CTSC: variants seen among roughly 807,000 people sequenced by gnomAD.
CTSC encodes the protein cathepsin C.
CTSC carries 37 observed loss-of-function variants against 40.9 expected under a neutral mutation model. The ratio of observed to expected loss-of-function variants is 0.91; its 90% CI spans 0.70 to 1.19. The LOEUF (loss-of-function observed/expected upper bound fraction) is 1.19. CTSC is among the 50% of genes most tolerant of loss of function. The probability of loss-of-function intolerance (pLI) is 0.00; values close to 1 mark genes in which losing one functional copy is unlikely to be tolerated. For missense variants in CTSC, 594 were observed against 567.3 expected, an observed-to-expected ratio of 1.05 and a Z score of -0.48; for synonymous variants, 232 against 207.4, an observed-to-expected ratio of 1.12 and a Z score of -1.02.
chr11:88,302,821 C>T (rs1944383083), intron 4 of CTSC, among the ~76,000 whole-genome samples: 1 of 151,886 alleles, frequency 6.6e-6, no homozygotes, highest in Non-Finnish European at 1.5e-5. Context: ...ATACATGATA[C>T]AGAGATAAAT....
chr11:88,295,187 T>A lies in CTSC; in HGVS notation c.890-679A>T, dbSNP rs142225145. 1.2e-4 allele frequency among the ~76,000 whole-genome samples: 18 copies of A among 152,316 alleles called. No individual in the cohort carries two copies. In the South Asian group the frequency reaches 2.5e-3, roughly 21 times the overall value. On this transcript the variant is annotated intron_variant, in intron 6 of 6. Coordinates refer to ENST00000227266, the MANE Select transcript of CTSC (RefSeq NM_001814.6). ...CCTACAAGTCACAACTAGTAGTACA[T>A]ATTTTAGAAAGAATGAAAGGCTCAC...
intron 4 of CTSC, among the ~76,000 whole-genome samples, chr11:88,305,412 A>AG (rs1285849713): frequency 6.6e-6 from 1 of 152,224 alleles, no homozygotes; most frequent in Non-Finnish European, 1.5e-5. Flanking sequence ...AGAGAGCAAG[A>AG]GGAGTCTGGG....
intron 4 of CTSC, among the ~76,000 whole-genome samples, chr11:88,304,578 A>G (rs1288031726): frequency 1.3e-5 from 2 of 152,220 alleles, no homozygotes; most frequent in Non-Finnish European, 2.9e-5. Context: ...GCTGGGTAAG[A>G]TGAGGCTGAG....
intron 2 of CTSC, among the ~76,000 whole-genome samples, chr11:88,332,893 C>T (rs1256872784): frequency 6.6e-6 from 1 of 152,226 alleles, no homozygotes. Context: ...TACCCTCCAA[C>T]AGCATATATA....
At chr11:88,320,480 G>A (rs1326986434) in intron 2 of CTSC, among the ~76,000 whole-genome samples, 1 of 152,186 alleles carries the variant, frequency 6.6e-6, no homozygotes, top group Non-Finnish European at 1.5e-5. Flanking sequence ...CTCAACAGAG[G>A]TGAGGCACAC....
At chr11:88,327,569 C>T (rs217063) in intron 2 of CTSC, among the ~76,000 whole-genome samples, 41,339 of 151,988 alleles carry the variant, frequency 0.27, 6,611 homozygotes, top group East Asian at 0.56. Context: ...AGATTCTCTC[C>T]TCCTCAGTGA....
Position 88,294,479 on chromosome 11 carries a change from C to T in CTSC, c.919G>A (p.Ala307Thr). ...GCEGGFPYLIAGKYAQDFGLV... is the reference protein window; with the variant it reads ...GCEGGFPYLITGKYAQDFGLV... ...CCAAAATCTTGGGCGTACTTTCCTGCAATAAGGTATGGGAAGCCGCCTTCA... is the reference window on the plus strand; with the variant it reads ...CCAAAATCTTGGGCGTACTTTCCTGTAATAAGGTATGGGAAGCCGCCTTCA... Residue 307 changes from alanine (A) to threonine (T), a missense_variant, in exon 7 of 7, where the codon GCA becomes ACA. Transcript: ENST00000227266. 1.2e-6 allele frequency: 2 copies of T among 1,614,058 alleles called. No homozygotes were observed. The highest frequency in any genetic ancestry group is 1.7e-6 in the Non-Finnish European group (2 of 1,179,992).
intron 5 of CTSC, chr11:88,298,244 C>T (rs1162184434): frequency 6.6e-6 from 1 of 152,116 alleles, no homozygotes; most frequent in African/African-American, 2.4e-5. Flanking sequence ...AGACACTTCC[C>T]TTCTCTCTTA....
At chr11:88,300,707 A>AAGGC in intron 4 of CTSC, 62 bp from the exon 5 acceptor site, 1 of 1,032,880 alleles carries the variant, frequency 9.7e-7, no homozygotes, top group Non-Finnish European at 1.5e-6. Context: ...TGATTTCCTA[A>AAGGC]ACTCTACTAT....
chr11:88,330,503 C>T lies in CTSC; in HGVS notation c.318+4434G>A, dbSNP rs1313744383. Among the ~76,000 whole-genome samples, 4 of 151,910 alleles carry T rather than the reference C, an allele frequency of 2.6e-5. No homozygotes were observed. In the South Asian group the frequency reaches 6.2e-4, roughly 24 times the overall value. On this transcript the variant is annotated intron_variant, in intron 2 of 6. Transcript: ENST00000227266. Reference sequence around the variant, plus strand: ...AGCTGGGATTACAGGCATGTGTCACCGCACCCAGCTAATTTTTGTATTTTT... The same window carrying T: ...AGCTGGGATTACAGGCATGTGTCACTGCACCCAGCTAATTTTTGTATTTTT...
At chr11:88,307,099 A>T (rs1937649901) in intron 4 of CTSC, among the ~76,000 whole-genome samples, 1 of 152,244 alleles carries the variant, frequency 6.6e-6, no homozygotes, top group East Asian at 1.9e-4. Context: ...AGTAATTATT[A>T]ATCTATTAGT....
In CTSC at chr11:88,294,008, A is replaced by G. The variant is rs148222803; in HGVS notation, c.1390T>C (p.Ter464GlnextTer8). The G allele has an allele frequency of 6.2e-7, 1 of 1,613,880 alleles. No individual in the cohort carries two copies. Among genetic ancestry groups the G allele is most frequent in the Non-Finnish European group, 8.5e-7 (1 of 1,179,968 alleles). ...AVAATPIPKL[*>Q] Reference sequence around the variant, plus strand: ...TATGAAATACTGGAAGGCATACCCTACAATTTAGGAATTGGTGTGGCTGCC... The same window carrying G: ...TATGAAATACTGGAAGGCATACCCTGCAATTTAGGAATTGGTGTGGCTGCC... The change falls in exon 7 of 7, where the codon TAG becomes CAG. Residue 464 changes from the stop codon to glutamine, a stop_lost. Transcript: ENST00000227266.
At chr11:88,314,596 C>T (rs759641068) in intron 2 of CTSC, among the ~76,000 whole-genome samples, 4 of 152,188 alleles carry the variant, frequency 2.6e-5, no homozygotes, top group Middle Eastern at 3.4e-3. Flanking sequence ...GGCGAGATGT[C>T]GGCTCACTGC....
chr11:88,316,047 A>C (rs1262330633), intron 2 of CTSC, among the ~76,000 whole-genome samples: 1 of 151,482 alleles, frequency 6.6e-6, no homozygotes, highest in Non-Finnish European at 1.5e-5. Context: ...CTGACTCATG[A>C]GTCACGTTCA....
chr11:88,303,516 T>C (rs920315076), intron 4 of CTSC, among the ~76,000 whole-genome samples: 42 of 152,304 alleles, frequency 2.8e-4, no homozygotes, highest in Non-Finnish European at 1.2e-4. Context: ...TTATAAAAGA[T>C]ACTACAAATG....
intron 4 of CTSC, among the ~76,000 whole-genome samples, chr11:88,305,240 C>A (rs1343647830): frequency 6.6e-6 from 1 of 152,238 alleles, no homozygotes; most frequent in Non-Finnish European, 1.5e-5. Context: ...CAGGGCTGCT[C>A]TGTCTATGGA....
Position 88,315,365 on chromosome 11 carries a change from T to A in CTSC, c.319-2811A>T, listed in dbSNP as rs142588286. 4.2e-3 allele frequency among the ~76,000 whole-genome samples: 638 copies of A among 151,996 alleles called. 7 individuals are homozygous for A. The highest frequency in any genetic ancestry group is 0.015 in the African/African-American group (620 of 41,444). On this transcript the variant is annotated intron_variant, in intron 2 of 6. Transcript: ENST00000227266. ...TAACACAAGTTAAAAATAAAAACAA[T>A]AGAATGTCCTAGAAAATGCCCAAAT...
intron 2 of CTSC, among the ~76,000 whole-genome samples, chr11:88,333,024 A>G (rs1445616799): frequency 6.6e-6 from 1 of 152,272 alleles, no homozygotes; most frequent in Non-Finnish European, 1.5e-5. Context: ...AAATGTGCTT[A>G]CACCGTGATT....
At chr11:88,308,507 CTTATTTTATT>C (rs566298227) in intron 4 of CTSC, among the ~76,000 whole-genome samples, 1 of 150,644 alleles carries the variant, frequency 6.6e-6, no homozygotes, top group Non-Finnish European at 1.5e-5. Flanking sequence ...CTTACCTTAT[CTTATTTTATT>C]TTATTTTATT....
Sources: allele counts gnomAD v4.1 joint callset (sites outside exome capture counted in the v4.1 genomes callset), GRCh38; gene constraint gnomAD v4.1.1; transcripts MANE v1.5; gene names NCBI Gene and HGNC (gene_info 2026-07-23, HGNC 2026-07-21).